Variants in FRAS1 observed in about 807,000 individuals in gnomAD.
FRAS1 encodes the protein Fraser extracellular matrix complex subunit 1.
A neutral mutation model predicts 435.2 loss-of-function variants in FRAS1; 290 were observed. The ratio of observed to expected loss-of-function variants is 0.67; its 90% CI spans 0.61 to 0.73. FRAS1 has a LOEUF of 0.73. Ranked by LOEUF, FRAS1 falls within the 30% of genes least tolerant of loss-of-function variation. The pLI, the probability that FRAS1 is intolerant of heterozygous loss-of-function variation, is 0.00. For synonymous variants in FRAS1, 1,800 were observed against 1,851.0 expected, an observed-to-expected ratio of 0.97 and a Z score of 0.71; for missense variants, 4,860 against 5,001.5, an observed-to-expected ratio of 0.97 and a Z score of 0.85.
intron 72 of FRAS1, among the ~76,000 whole-genome samples, chr4:78,539,040 A>G (rs141847972): frequency 6.6e-6 from 1 of 152,100 alleles, no homozygotes; most frequent in East Asian, 1.9e-4. Context: ...CCGTGATTCA[A>G]TTACTTCCTA....
intron 1 of FRAS1, among the ~76,000 whole-genome samples, chr4:78,060,045 CAT>C (rs1266192930): frequency 6.6e-6 from 1 of 152,196 alleles, no homozygotes; most frequent in Non-Finnish European, 1.5e-5. Flanking sequence ...CCACCCACGT[CAT>C]AATGGTGCTT....
chr4:78,271,444 C>G (rs1157175608), intron 9 of FRAS1, among the ~76,000 whole-genome samples: 2 of 152,110 alleles, frequency 1.3e-5, no homozygotes, highest in African/African-American at 4.8e-5. Context: ...AGGTATATCT[C>G]CTAATGCTAT....
intron 34 of FRAS1, 26 bp downstream of exon 34, chr4:78,422,026 G>C (rs6835875): frequency 6.3e-7 from 1 of 1,591,234 alleles, no homozygotes; most frequent in Non-Finnish European, 8.6e-7. Flanking sequence ...CTGCTTTGAG[G>C]CACCCAACTG....
At chr4:78,296,815 A>G (rs1728166980) in intron 14 of FRAS1, among the ~76,000 whole-genome samples, 1 of 152,156 alleles carries the variant, frequency 6.6e-6, no homozygotes, top group African/African-American at 2.4e-5. Flanking sequence ...TTTGATTTTG[A>G]CAGCAGTTGA....
At chr4:78,149,550 A>AT (rs1262878724) in intron 2 of FRAS1, among the ~76,000 whole-genome samples, 1 of 152,010 alleles carries the variant, frequency 6.6e-6, no homozygotes, top group Non-Finnish European at 1.5e-5. Flanking sequence ...ACATGCATAT[A>AT]TTTTTTTCTT....
intron 2 of FRAS1, among the ~76,000 whole-genome samples, chr4:78,191,549 T>A (rs1217002058): frequency 2.3e-5 from 3 of 130,756 alleles, no homozygotes; most frequent in East Asian, 2.3e-4. Context: ...TTTTTTTTTT[T>A]AATTATTATA....
At chr4:78,098,680 C>T (rs1477398967) in intron 2 of FRAS1, among the ~76,000 whole-genome samples, 1 of 152,202 alleles carries the variant, frequency 6.6e-6, no homozygotes, top group Non-Finnish European at 1.5e-5. Flanking sequence ...GCTTTGATGA[C>T]ATGCACTAAC....
rs748869786 is a variant in FRAS1 at position 78,464,137 on chromosome 4, G to A, written c.6880G>A (p.Val2294Ile). 26 of 1,607,672 alleles carry A rather than the reference G, an allele frequency of 1.6e-5. No individual in the cohort carries two copies. Among genetic ancestry groups the A allele is most frequent in the Non-Finnish European group, 2.2e-5 (26 of 1,178,144 alleles). Residue 2294 changes from valine to isoleucine, a missense_variant, in exon 48 of 74, where the codon GTC becomes ATC. Physicochemically the swap from Val to Ile is conservative, Grantham distance 29 (BLOSUM62 3). Transcript: ENST00000512123. ...CTTCAGCTTTACACTGTCTGATGGA[G>A]TCAGTGAGGTAGGTGAGGCACTGAA... is the stretch of plus-strand genomic sequence containing the variant. ...DAFSFTLSDG[V>I]SEVTQTFHIT... is the part of the protein sequence containing the mutation.
At position 78,498,842 on chromosome 4, in the gene FRAS1, TTTTA is replaced by T. The variant is rs61394042; in HGVS notation, c.9116-859_9116-856del. ...TTTTTTGGTAAAAATCAATATATTA[TTTTA>T]TTTATTTATTTATTTATTTGAGATG... On this transcript the variant is annotated intron_variant, in intron 60 of 73. Coordinates refer to ENST00000512123, the MANE Select transcript of FRAS1 (RefSeq NM_025074.7). Among the ~76,000 whole-genome samples, 7 of 147,766 alleles carry T rather than the reference TTTTA, an allele frequency of 4.7e-5. No homozygotes were observed. In the South Asian group the frequency reaches 8.7e-4, roughly 18 times the overall value.
chr4:78,387,522 C>T lies in FRAS1; in HGVS notation c.3796C>T (p.Leu1266Phe). ...CGATCCTCCACTTCATGGCCAATTGCTTCAGACACTTCAGTCCCCGGCAAC... is the reference window on the plus strand; with the variant it reads ...CGATCCTCCACTTCATGGCCAATTGTTTCAGACACTTCAGTCCCCGGCAAC... The part of the protein sequence containing the change: ...IIDPPLHGQL[L>F]QTLQSPATPI... Residue 1266 changes from leucine to phenylalanine, a missense_variant, in exon 29 of 74, where the codon CTT becomes TTT. Transcript: ENST00000512123. 1 of 1,613,812 alleles carries T rather than the reference C, an allele frequency of 6.2e-7. No homozygotes were observed.
At chr4:78,375,958 G>C in intron 26 of FRAS1, 79 bp downstream of exon 26, 1 of 1,483,066 alleles carries the variant, frequency 6.7e-7, no homozygotes, top group Non-Finnish European at 9.4e-7. Context: ...AGACATAATT[G>C]ACTTATGTGA....
chr4:78,253,426 A>G (rs553855825), intron 5 of FRAS1, among the ~76,000 whole-genome samples: 50 of 152,356 alleles, frequency 3.3e-4, no homozygotes, highest in African/African-American at 1.2e-3. Flanking sequence ...TTGTGAAGAT[A>G]ACGGGATTAA....
intron 66 of FRAS1, among the ~76,000 whole-genome samples, chr4:78,518,753 T>A (rs1056163135): frequency 6.6e-6 from 1 of 152,178 alleles, no homozygotes; most frequent in Admixed American, 6.5e-5. Context: ...TACGTGCAGC[T>A]CTGAGCTGTC....
chr4:78,248,459 C>CT (rs1244428921), intron 4 of FRAS1, among the ~76,000 whole-genome samples: 1 of 152,086 alleles, frequency 6.6e-6, no homozygotes, highest in Non-Finnish European at 1.5e-5. Context: ...GTAGATGGGG[C>CT]TTGAAGGTTT....
chr4:78,218,331 G>A (rs1437414978), intron 2 of FRAS1, among the ~76,000 whole-genome samples: 1 of 151,740 alleles, frequency 6.6e-6, no homozygotes, highest in Non-Finnish European at 1.5e-5. Flanking sequence ...TGTGCATAGA[G>A]GGTAGAAAGT....
At chr4:78,228,249 T>C (rs1240699901) in intron 2 of FRAS1, among the ~76,000 whole-genome samples, 1 of 152,172 alleles carries the variant, frequency 6.6e-6, no homozygotes, top group Non-Finnish European at 1.5e-5. Context: ...AAGAAAGAAA[T>C]TATAAGCTTA....
intron 2 of FRAS1, among the ~76,000 whole-genome samples, chr4:78,174,560 A>G (rs1279183078): frequency 6.6e-6 from 1 of 152,168 alleles, no homozygotes; most frequent in African/African-American, 2.4e-5. Flanking sequence ...GAAAAGATAG[A>G]AGGGGTGCAC....
At chr4:78,391,991 G>C (rs188346020) in intron 29 of FRAS1, among the ~76,000 whole-genome samples, 3,578 of 115,214 alleles carry the variant, frequency 0.031, 158 homozygotes, top group African/African-American at 0.13. Flanking sequence ...TCACCTTTTG[G>C]GGGGGTTTGA....
intron 2 of FRAS1, among the ~76,000 whole-genome samples, chr4:78,190,506 T>C (rs1275070136): frequency 6.6e-6 from 1 of 151,982 alleles, no homozygotes; most frequent in Non-Finnish European, 1.5e-5. Context: ...TGCTAGAATG[T>C]ACTATTGTGA....
Sources: allele counts gnomAD v4.1 joint callset (sites outside exome capture counted in the v4.1 genomes callset), GRCh38; gene constraint gnomAD v4.1.1; transcripts MANE v1.5; gene names NCBI Gene and HGNC (gene_info 2026-07-23, HGNC 2026-07-21).